The following PLPP4 variants were observed in gnomAD, a reference collection of about 807,000 sequenced individuals.
The protein encoded by PLPP4 is phospholipid phosphatase 4, also known as diacylglycerol pyrophosphate like 2.
PLPP4 carries 20 observed loss-of-function variants against 32.2 expected under a neutral mutation model. That is an observed-to-expected ratio of 0.62 (90% CI 0.44 to 0.90). The LOEUF is 0.90. Ranked by LOEUF, PLPP4 falls within the 40% of genes least tolerant of loss-of-function variation. The pLI is 0.00. For missense variants in PLPP4, 257 were observed against 353.1 expected (o/e 0.73, Z 2.18); for synonymous variants, 127 against 133.0 (o/e 0.95, Z 0.31).
chr10:120,497,964 T>TTGCA (rs1845050054), intron 1 of PLPP4, among the ~76,000 whole-genome samples: 1 of 151,818 alleles, frequency 6.6e-6, no homozygotes, highest in African/African-American at 2.4e-5. Flanking sequence ...GGCGTGAACC[T>TTGCA]GGGAGGCGGA....
At chr10:120,588,383 C>T (rs1415535125) in intron 6 of PLPP4, among the ~76,000 whole-genome samples, 1 of 152,230 alleles carries the variant, frequency 6.6e-6, no homozygotes, top group East Asian at 1.9e-4. Flanking sequence ...CCCCTCTTGC[C>T]TCCCAGCTGG....
intron 5 of PLPP4, among the ~76,000 whole-genome samples, chr10:120,552,165 G>GGTGTGTGT (rs58426120): frequency 0.13 from 17,525 of 138,400 alleles, 1,304 homozygotes; most frequent in Middle Eastern, 0.2. Context: ...GTGGTGGTGG[G>GGTGTGTGT]GTGTGTGTGT....
chr10:120,574,168 A>ACACTCTCTCT (rs1849090021), intron 5 of PLPP4, among the ~76,000 whole-genome samples: 16 of 47,120 alleles, frequency 3.4e-4, no homozygotes, highest in Non-Finnish European at 5.7e-4. Context: ...ACACACACAC[A>ACACTCTCTCT]CTCTCTCTCT....
chr10:120,471,638 A>G (rs1848520425), intron 1 of PLPP4, among the ~76,000 whole-genome samples: 1 of 152,002 alleles, frequency 6.6e-6, no homozygotes, highest in African/African-American at 2.4e-5. Context: ...CTTTATTTTT[A>G]ACATATGGCT....
intron 5 of PLPP4, among the ~76,000 whole-genome samples, chr10:120,533,957 TA>T (rs1846867711): frequency 6.6e-6 from 1 of 152,178 alleles, no homozygotes; most frequent in South Asian, 2.1e-4. Context: ...TGCAATTACA[TA>T]TGTATCATTC....
At chr10:120,463,091 G>A (rs776708010) in intron 1 of PLPP4, among the ~76,000 whole-genome samples, 9 of 140,868 alleles carry the variant, frequency 6.4e-5, no homozygotes, top group East Asian at 2.1e-4. Context: ...GCAATGGTGC[G>A]ATCTCGGCTC....
At chr10:120,557,128 C>A (rs1848198096) in intron 5 of PLPP4, among the ~76,000 whole-genome samples, 1 of 152,104 alleles carries the variant, frequency 6.6e-6, no homozygotes, top group Non-Finnish European at 1.5e-5. Flanking sequence ...ATCATGCTGA[C>A]CATCGTAACA....
intron 5 of PLPP4, among the ~76,000 whole-genome samples, chr10:120,531,927 A>G (rs556381375): frequency 1.3e-5 from 2 of 151,796 alleles, no homozygotes; most frequent in Non-Finnish European, 2.9e-5. Context: ...TACATATTTT[A>G]TACTTTTAAG....
At chr10:120,506,299 T>C (rs1048082019) in intron 2 of PLPP4, among the ~76,000 whole-genome samples, 7 of 152,230 alleles carry the variant, frequency 4.6e-5, no homozygotes, top group African/African-American at 1.7e-4. Context: ...GATACATTTA[T>C]AATACCTATA....
At chr10:120,567,153 C>T (rs1433139179) in intron 5 of PLPP4, among the ~76,000 whole-genome samples, 1 of 152,168 alleles carries the variant, frequency 6.6e-6, no homozygotes, top group Non-Finnish European at 1.5e-5. Context: ...TTTCGTCTAA[C>T]ATTTAATTAT....
intron 1 of PLPP4, among the ~76,000 whole-genome samples, chr10:120,485,936 TG>T (rs757756687): frequency 8.5e-5 from 13 of 152,266 alleles, no homozygotes; most frequent in Admixed American, 4.6e-4. Context: ...AAGCAGCCGG[TG>T]GGGACACCAA....
At chr10:120,515,673 C>A (rs1845907754) in intron 3 of PLPP4, among the ~76,000 whole-genome samples, 1 of 152,184 alleles carries the variant, frequency 6.6e-6, no homozygotes, top group Non-Finnish European at 1.5e-5. Context: ...GTCACATTCT[C>A]CAAGGATTCA....
intron 5 of PLPP4, among the ~76,000 whole-genome samples, chr10:120,544,354 G>T (rs947998003): frequency 2.0e-5 from 3 of 152,194 alleles, no homozygotes; most frequent in Non-Finnish European, 4.4e-5. Flanking sequence ...CTGCCTGGGA[G>T]ACTAGAGTCA....
intron 6 of PLPP4, among the ~76,000 whole-genome samples, chr10:120,577,143 A>G (rs1198049918): frequency 1.3e-5 from 2 of 152,232 alleles, no homozygotes; most frequent in Non-Finnish European, 2.9e-5. Flanking sequence ...TTTCTAAGGA[A>G]GGATGCATTG....
chr10:120,552,165 GGTGTGTGTGTGTGTGTGT>G (rs58426120), intron 5 of PLPP4, among the ~76,000 whole-genome samples: 14 of 138,634 alleles, frequency 1.0e-4, no homozygotes, highest in East Asian at 6.6e-4. Flanking sequence ...GTGGTGGTGG[GGTGTGTGTGTGTGTGTGT>G]GTGTGTGTGT....
At chr10:120,486,679 G>GT (rs1318957938) in intron 1 of PLPP4, among the ~76,000 whole-genome samples, 1 of 152,242 alleles carries the variant, frequency 6.6e-6, no homozygotes, top group Non-Finnish European at 1.5e-5. Context: ...ATCGACAGAC[G>GT]TTTTTGCCAT....
chr10:120,582,527 AC>A (rs1849556863), intron 6 of PLPP4, among the ~76,000 whole-genome samples: 1 of 151,726 alleles, frequency 6.6e-6, no homozygotes, highest in East Asian at 1.9e-4. Context: ...AAATAAGGTC[AC>A]ATTCTGAGGT....
chr10:120,485,342 G>A (rs1844396837), intron 1 of PLPP4, among the ~76,000 whole-genome samples: 1 of 152,208 alleles, frequency 6.6e-6, no homozygotes, highest in Non-Finnish European at 1.5e-5. Context: ...CTTTTCACCT[G>A]CTCAGGAGCT....
intron 1 of PLPP4, among the ~76,000 whole-genome samples, chr10:120,461,727 T>C (rs1297185155): frequency 6.6e-6 from 1 of 152,358 alleles, no homozygotes; most frequent in East Asian, 1.9e-4. Context: ...CATTTGTTAT[T>C]GTCTCCAATG....
Sources: allele counts gnomAD v4.1 joint callset (sites outside exome capture counted in the v4.1 genomes callset), GRCh38; gene constraint gnomAD v4.1.1; transcripts MANE v1.5; gene names NCBI Gene and HGNC (gene_info 2026-07-23, HGNC 2026-07-21).